FSTL5: variants seen among roughly 807,000 people sequenced by gnomAD.
The protein encoded by FSTL5 is follistatin like 5.
FSTL5 carries 62 observed loss-of-function variants against 89.1 expected under a neutral mutation model. That is an observed-to-expected ratio of 0.70 (90% CI 0.57 to 0.86). The LOEUF is 0.86. Among genes scored for constraint, FSTL5 ranks in the 40% least tolerant of loss-of-function variants. FSTL5 has a pLI of 0.00. For synonymous variants in FSTL5, 383 were observed against 346.2 expected (o/e 1.11, Z -1.18); for missense variants, 1,057 against 1,001.6 (o/e 1.06, Z -0.75).
intron 8 of FSTL5, among the ~76,000 whole-genome samples, chr4:161,577,044 A>ATATCTTAGG (rs1191592456): frequency 3.3e-5 from 5 of 152,226 alleles, no homozygotes; most frequent in African/African-American, 1.2e-4. Context: ...TAGGAAATCT[A>ATATCTTAGG]TATCTTAGGA....
At chr4:161,440,058 T>C (rs1732706224) in intron 15 of FSTL5, among the ~76,000 whole-genome samples, 1 of 152,108 alleles carries the variant, frequency 6.6e-6, no homozygotes. Flanking sequence ...ATAAAATTAC[T>C]AGAGTCGTAG....
chr4:161,911,608 C>T (rs893759880), intron 4 of FSTL5, among the ~76,000 whole-genome samples: 2 of 152,110 alleles, frequency 1.3e-5, no homozygotes, highest in Non-Finnish European at 2.9e-5. Flanking sequence ...TAAAGAAAGA[C>T]ATGACAGGTA....
chr4:161,413,019 A>C (rs993610211), intron 15 of FSTL5, among the ~76,000 whole-genome samples: 1 of 152,086 alleles, frequency 6.6e-6, no homozygotes, highest in Non-Finnish European at 1.5e-5. Flanking sequence ...ATTTTTTACT[A>C]AGTCCCCAAA....
At chr4:161,576,257 T>C (rs1207751116) in intron 8 of FSTL5, among the ~76,000 whole-genome samples, 1 of 152,184 alleles carries the variant, frequency 6.6e-6, no homozygotes, top group East Asian at 1.9e-4. Context: ...AAGTAATTGA[T>C]AGATTCAATG....
chr4:161,765,924 C>T (rs1038325279), intron 5 of FSTL5, among the ~76,000 whole-genome samples: 1 of 151,376 alleles, frequency 6.6e-6, no homozygotes, highest in South Asian at 2.1e-4. Context: ...CCTCCCCAGT[C>T]GCTGGGATTA....
intron 3 of FSTL5, among the ~76,000 whole-genome samples, chr4:161,922,442 A>T (rs1241900188): frequency 4.6e-5 from 7 of 152,006 alleles, no homozygotes; most frequent in Non-Finnish European, 1.0e-4. Flanking sequence ...GCAAAAAATC[A>T]ATTTTGGAAA....
At chr4:162,073,505 A>G (rs1010864675) in intron 2 of FSTL5, among the ~76,000 whole-genome samples, 2 of 151,786 alleles carry the variant, frequency 1.3e-5, no homozygotes, top group Non-Finnish European at 2.9e-5. Context: ...TTTGCAAAAA[A>G]CAGGAAAACT....
chr4:162,143,819 C>CAT (rs1380343654), intron 1 of FSTL5, among the ~76,000 whole-genome samples: 31 of 101,382 alleles, frequency 3.1e-4, no homozygotes, highest in African/African-American at 8.6e-4. Flanking sequence ...CACACACACA[C>CAT]ATACAAACAC....
chr4:161,730,216 A>C (rs1739559695), intron 6 of FSTL5, among the ~76,000 whole-genome samples: 1 of 152,064 alleles, frequency 6.6e-6, no homozygotes, highest in African/African-American at 2.4e-5. Context: ...CTTTGAATGA[A>C]ATTAATTTTT....
chr4:161,470,746 A>G (rs886486281), intron 13 of FSTL5, among the ~76,000 whole-genome samples: 1 of 151,964 alleles, frequency 6.6e-6, no homozygotes, highest in Non-Finnish European at 1.5e-5. Context: ...TTTCCCATTT[A>G]TATATCTCCT....
At chr4:161,836,228 C>T (rs1731035114) in intron 4 of FSTL5, among the ~76,000 whole-genome samples, 1 of 142,900 alleles carries the variant, frequency 7.0e-6, no homozygotes, top group Non-Finnish European at 1.5e-5. Flanking sequence ...ACTGCATATT[C>T]TCACTCATAG....
chr4:161,394,086 A>G (rs1025557380), intron 15 of FSTL5, among the ~76,000 whole-genome samples: 1 of 152,170 alleles, frequency 6.6e-6, no homozygotes, highest in African/African-American at 2.4e-5. Flanking sequence ...CGTGACATGT[A>G]TATTTAATTT....
At chr4:162,009,285 T>G (rs1019039380) in intron 3 of FSTL5, among the ~76,000 whole-genome samples, 6 of 152,110 alleles carry the variant, frequency 3.9e-5, no homozygotes, top group Non-Finnish European at 5.9e-5. Context: ...TTGCACTTCA[T>G]TGTAATATCT....
At chr4:162,153,133 A>G (rs1733296017) in intron 1 of FSTL5, among the ~76,000 whole-genome samples, 1 of 152,126 alleles carries the variant, frequency 6.6e-6, no homozygotes, top group Non-Finnish European at 1.5e-5. Flanking sequence ...AGTATTCAAC[A>G]TTCTTCCACC....
At chr4:161,911,468 G>GA (rs577245750) in intron 4 of FSTL5, among the ~76,000 whole-genome samples, 5 of 151,916 alleles carry the variant, frequency 3.3e-5, no homozygotes, top group South Asian at 2.1e-4. Context: ...AAAAAGCATT[G>GA]AAAAAAACGT....
intron 4 of FSTL5, among the ~76,000 whole-genome samples, chr4:161,837,265 G>C (rs1458671437): frequency 6.6e-6 from 1 of 151,966 alleles, no homozygotes; most frequent in East Asian, 1.9e-4. Context: ...TAAAGAGAAA[G>C]AAGAGTCCAT....
intron 10 of FSTL5, among the ~76,000 whole-genome samples, chr4:161,532,764 C>A (rs1053060375): frequency 6.6e-6 from 1 of 152,112 alleles, no homozygotes; most frequent in Non-Finnish European, 1.5e-5. Flanking sequence ...ACAGAATACT[C>A]CACCGAATCA....
intron 2 of FSTL5, among the ~76,000 whole-genome samples, chr4:162,037,446 G>T (rs1327621063): frequency 2.0e-5 from 3 of 151,882 alleles, no homozygotes; most frequent in Non-Finnish European, 4.4e-5. Context: ...GCGAGAGTAG[G>T]TGAGAAGAAT....
intron 3 of FSTL5, among the ~76,000 whole-genome samples, chr4:162,021,828 C>T (rs1737096056): frequency 6.6e-6 from 1 of 150,746 alleles, no homozygotes; most frequent in African/African-American, 2.4e-5. Flanking sequence ...CACGATGGCT[C>T]ACACCTGTAA....
Sources: gnomAD v4.1 joint callset for allele counts (sites outside exome capture counted in the v4.1 genomes callset) on GRCh38, gnomAD v4.1.1 for gene constraint, MANE v1.5 for transcripts, NCBI Gene and HGNC (gene_info 2026-07-23, HGNC 2026-07-21) for gene names.